NTM: variants seen among roughly 807,000 people sequenced by gnomAD.
NTM encodes the protein IgLON family member 2.
Under a neutral mutation model 42.1 loss-of-function variants are expected in NTM, and 13 were observed. The ratio of observed to expected loss-of-function variants is 0.31; its 90% CI spans 0.20 to 0.49. NTM has a LOEUF of 0.49. Among genes scored for constraint, NTM ranks in the 20% least tolerant of loss-of-function variants. NTM has a pLI of 0.99. For missense variants in NTM, 373 were observed against 452.8 expected (o/e 0.82, Z 1.60); for synonymous variants, 187 against 179.2 (o/e 1.04, Z -0.35).
intron 1 of NTM, among the ~76,000 whole-genome samples, chr11:131,408,455 C>A (rs527600318): frequency 2.4e-4 from 37 of 152,284 alleles, no homozygotes; most frequent in African/African-American, 8.9e-4. Context: ...AACTGTATAA[C>A]ATTTATGTGA....
chr11:132,214,461 A>G (rs777990720), intron 4 of NTM, among the ~76,000 whole-genome samples: 3 of 151,960 alleles, frequency 2.0e-5, no homozygotes, highest in Non-Finnish European at 4.4e-5. Flanking sequence ...CTTCTCCTGC[A>G]TGCGTCTCCT....
intron 3 of NTM, among the ~76,000 whole-genome samples, chr11:132,192,324 AAAAC>A (rs1329797803): frequency 3.9e-5 from 6 of 152,352 alleles, no homozygotes; most frequent in African/African-American, 1.2e-4. Context: ...CTTTCAGCAG[AAAAC>A]AAACAAGCCA....
At chr11:131,462,850 T>TAGGGTGATCCACCAACTTCTCCCTAGAGC (rs1438552007) in intron 1 of NTM, among the ~76,000 whole-genome samples, 1 of 150,586 alleles carries the variant, frequency 6.6e-6, no homozygotes, top group African/African-American at 2.5e-5. Flanking sequence ...CTCACTAGAG[T>TAGGGTGATCCACCAACTTCTCCCTAGAGC]AGGCCCACCT....
chr11:132,196,691 A>T (rs2080272575), intron 3 of NTM, among the ~76,000 whole-genome samples: 1 of 152,176 alleles, frequency 6.6e-6, no homozygotes. Context: ...CAAATACGGC[A>T]TGTTCCCACT....
intron 1 of NTM, among the ~76,000 whole-genome samples, chr11:131,646,270 T>C (rs1323116846): frequency 6.6e-6 from 1 of 152,230 alleles, no homozygotes; most frequent in Non-Finnish European, 1.5e-5. Flanking sequence ...GCTGAATAGT[T>C]GAATCAGAGA....
At chr11:131,985,328 C>A (rs768929076) in intron 2 of NTM, among the ~76,000 whole-genome samples, 6 of 152,182 alleles carry the variant, frequency 3.9e-5, no homozygotes, top group Admixed American at 3.9e-4. Context: ...ACACCCATTG[C>A]CCAAGTGCAA....
At chr11:132,030,051 C>T (rs778617012) in intron 2 of NTM, among the ~76,000 whole-genome samples, 7 of 152,096 alleles carry the variant, frequency 4.6e-5, no homozygotes, top group Non-Finnish European at 1.0e-4. Flanking sequence ...TTGAGCAAAA[C>T]ATGGAGATTA....
chr11:132,165,534 G>A (rs1448825802), intron 3 of NTM, among the ~76,000 whole-genome samples: 1 of 152,188 alleles, frequency 6.6e-6, no homozygotes, highest in East Asian at 1.9e-4. Flanking sequence ...CCATGTGACA[G>A]GTACTAGGCT....
At chr11:131,951,544 T>C (rs898274095) in intron 2 of NTM, among the ~76,000 whole-genome samples, 1 of 152,038 alleles carries the variant, frequency 6.6e-6, no homozygotes, top group African/African-American at 2.4e-5. Context: ...ATTCTGGAGA[T>C]AGGGGGAAAA....
intron 1 of NTM, among the ~76,000 whole-genome samples, chr11:131,636,895 A>G (rs1422129183): frequency 6.6e-6 from 1 of 152,152 alleles, no homozygotes; most frequent in Non-Finnish European, 1.5e-5. Context: ...TTGTCAGCCT[A>G]GTTTTGAGCA....
intron 1 of NTM, among the ~76,000 whole-genome samples, chr11:131,642,952 C>G (rs1174243490): frequency 6.6e-6 from 1 of 151,806 alleles, no homozygotes; most frequent in Non-Finnish European, 1.5e-5. Context: ...TTAATTAAGT[C>G]AGGCTGTGGC....
At chr11:132,254,466 G>A (rs2092298299) in intron 4 of NTM, among the ~76,000 whole-genome samples, 2 of 151,552 alleles carry the variant, frequency 1.3e-5, no homozygotes, top group Admixed American at 1.3e-4. Context: ...AATGCACTTT[G>A]TTTTCACCTC....
intron 1 of NTM, among the ~76,000 whole-genome samples, chr11:131,493,225 T>TGAGACACTG (rs1954982559): frequency 6.6e-6 from 1 of 151,904 alleles, no homozygotes; most frequent in African/African-American, 2.4e-5. Context: ...GGTGGCAGAG[T>TGAGACACTG]GAGACACTGT....
At chr11:131,709,834 T>C (rs1040837052) in intron 1 of NTM, among the ~76,000 whole-genome samples, 3 of 151,838 alleles carry the variant, frequency 2.0e-5, no homozygotes, top group African/African-American at 2.4e-5. Flanking sequence ...ACTCCAGCAC[T>C]GACAGGAAGG....
intron 2 of NTM, among the ~76,000 whole-genome samples, chr11:132,074,288 C>G (rs1479389799): frequency 1.3e-5 from 2 of 152,200 alleles, no homozygotes; most frequent in African/African-American, 2.4e-5. Context: ...GAGTCAGTTT[C>G]TCAGGGTCCA....
At chr11:131,460,806 G>A (rs1410853660) in intron 1 of NTM, among the ~76,000 whole-genome samples, 1 of 152,132 alleles carries the variant, frequency 6.6e-6, no homozygotes, top group Non-Finnish European at 1.5e-5. Context: ...CGCCCGCTTG[G>A]GCCTCCCAAA....
Position 131,447,392 on chromosome 11 carries a change from T to C in NTM, c.82+76504T>C, listed in dbSNP as rs1950140292. Reference sequence around the variant, plus strand: ...CCTTTGCTTCCCACTTGGGCCCTGATGAATTTTGGTTGCCTCTTCAGAGGC... The same window carrying C: ...CCTTTGCTTCCCACTTGGGCCCTGACGAATTTTGGTTGCCTCTTCAGAGGC... On this transcript the variant is annotated intron_variant, in intron 1 of 8. Transcript: ENST00000683400. Among the ~76,000 whole-genome samples the C allele has an allele frequency of 3.3e-5, 5 of 152,214 alleles. 1 individual carries two copies. The South Asian group carries it at 1.0e-3, about 32-fold the overall frequency.
chr11:131,404,742 A>G (rs1591575933), intron 1 of NTM, among the ~76,000 whole-genome samples: 1 of 152,198 alleles, frequency 6.6e-6, no homozygotes, highest in Non-Finnish European at 1.5e-5. Context: ...TTTAGTTGCC[A>G]TTGCCTGAAC....
rs112960982 is a variant in NTM at position 131,616,207 on chromosome 11, C to T, written c.82+245319C>T. ...GATGAAGGACAAATTGCATCCTCTGCGCAGCACTGGGGAGACTGCACCTGT... is the reference window on the plus strand; with the variant it reads ...GATGAAGGACAAATTGCATCCTCTGTGCAGCACTGGGGAGACTGCACCTGT... On this transcript the variant is annotated intron_variant, in intron 1 of 8. Coordinates refer to ENST00000683400, the MANE Select transcript of NTM (RefSeq NM_001352005.2). Among the ~76,000 whole-genome samples the T allele has an allele frequency of 3.6e-3, 542 of 152,316 alleles. 4 individuals carry two copies. Among genetic ancestry groups the T allele is most frequent in the African/African-American group, 0.012 (505 of 41,574 alleles).
Sources: gnomAD v4.1 joint callset for allele counts (sites outside exome capture counted in the v4.1 genomes callset) on GRCh38, gnomAD v4.1.1 for gene constraint, MANE v1.5 for transcripts, NCBI Gene and HGNC (gene_info 2026-07-23, HGNC 2026-07-21) for gene names.